Variants in NSD2 observed in about 807,000 individuals in gnomAD.
NSD2 encodes histone-lysine N-methyltransferase NSD2.
NSD2 carries 12 observed loss-of-function variants against 139.0 expected under a neutral mutation model. The observed-to-expected ratio is 0.09, with a 90% CI of 0.06 to 0.14. The LOEUF (loss-of-function observed/expected upper bound fraction) is 0.14, where lower values mean the gene tolerates loss of function less well. Among genes scored for constraint, NSD2 ranks in the 10% least tolerant of loss-of-function variants. NSD2 has a pLI of 1.00. For synonymous variants in NSD2, 669 were observed against 648.7 expected (o/e 1.03, Z -0.48); for missense variants, 1,155 against 1,745.0 (o/e 0.66, Z 6.02).
chr4:1,952,286 A>AC, intron 11 of NSD2, 55 bp downstream of exon 11: 1 of 1,603,554 alleles, frequency 6.2e-7, no homozygotes, highest in South Asian at 1.1e-5. Context: ...TGCTCCTGCA[A>AC]CCCCCTGCAC....
At chr4:1,916,503 AC>A (rs887087299) in intron 3 of NSD2, among the ~76,000 whole-genome samples, 52 of 151,630 alleles carry the variant, frequency 3.4e-4, no homozygotes, top group African/African-American at 1.3e-3. Flanking sequence ...ACACCACCAC[AC>A]CCGGCTAATT....
rs538768933 is a variant in NSD2, at chr4:1,886,531, A to G, written c.-29-14095A>G. Among the ~76,000 whole-genome samples, 13 of 152,154 alleles carry G rather than the reference A, an allele frequency of 8.5e-5. No individual in the cohort carries two copies. The East Asian group carries it at 2.5e-3, about 29-fold the overall frequency. On this transcript the variant is annotated intron_variant, in intron 1 of 21. Transcript: ENST00000508803. ...CTTTCAGCTGTTTCTATTTATCTGTACTTTAAAAAGTAACTTGCGGCTGGG... is the reference window on the plus strand; with the variant it reads ...CTTTCAGCTGTTTCTATTTATCTGTGCTTTAAAAAGTAACTTGCGGCTGGG...
At position 1,900,666 on chromosome 4, in the gene NSD2, C is replaced by T. The variant is rs933582839; in HGVS notation, c.12C>T (p.Ser4=). 1.9e-6 allele frequency: 3 copies of T among 1,581,048 alleles called. No homozygotes were observed. The highest frequency in any genetic ancestry group is 2.7e-5 in the African/African-American group (2 of 73,608). MEF[S]IKQSPLSVQS... is the part of the protein sequence containing the mutation. ...AGCATCTGGGCTGGATGGAATTTAGCATCAAGCAGAGTCCCCTTTCTGTTC... is the reference window on the plus strand; with the variant it reads ...AGCATCTGGGCTGGATGGAATTTAGTATCAAGCAGAGTCCCCTTTCTGTTC... Residue 4 remains serine (S), a synonymous_variant, in exon 2 of 22, where the codon AGC becomes AGT. Transcript: ENST00000508803.
intron 1 of NSD2, among the ~76,000 whole-genome samples, chr4:1,886,484 G>T (rs1026256096): frequency 6.6e-6 from 1 of 152,156 alleles, no homozygotes; most frequent in Admixed American, 6.5e-5. Context: ...TGGGATTACG[G>T]ACTTGAGCCA....
At position 1,981,975 on chromosome 4, in the gene NSD2, T is replaced by G. The variant is rs1727811830; in HGVS notation, c.*3066T>G. ...TAAATGTGCCTATTGGTGTCTAAAC[T>G]TCATACAATGTAAGGTCAGATTCCT... is the stretch of plus-strand genomic sequence containing the variant. On this transcript the variant is annotated 3_prime_UTR_variant, in exon 22 of 22. Transcript: ENST00000508803. The G allele has an allele frequency of 2.5e-6, 1 of 398,586 alleles. No homozygotes were observed. The allele number at this position is 398,586 out of a possible 1,614,324, so 24.7% of individuals were successfully genotyped here.
intron 1 of NSD2, among the ~76,000 whole-genome samples, chr4:1,876,997 C>T (rs1714310922): frequency 6.6e-6 from 1 of 151,716 alleles, no homozygotes; most frequent in Admixed American, 6.6e-5. Context: ...ATTAGCTGGG[C>T]GTGGTGGTGG....
At chr4:1,872,575 T>TGC (rs1302556088) in intron 1 of NSD2, among the ~76,000 whole-genome samples, 1 of 70,218 alleles carries the variant, frequency 1.4e-5, no homozygotes, top group African/African-American at 5.1e-5. Context: ...TGTGTGTGTG[T>TGC]GTGTGTGTGT....
intron 7 of NSD2, 79 bp from the exon 8 acceptor site, chr4:1,938,368 GTTCT>G: frequency 1.0e-6 from 1 of 1,004,890 alleles, no homozygotes; most frequent in Non-Finnish European, 1.3e-6. Context: ...TCCTTTTGTT[GTTCT>G]TTTTCTTTTT....
rs1011638343 is a variant in NSD2, at chr4:1,933,167, G to A, written c.1556-1977G>A. 6.8e-4 allele frequency among the ~76,000 whole-genome samples: 104 copies of A among 152,350 alleles called. 2 individuals carry two copies. Among genetic ancestry groups the A allele is most frequent in the Non-Finnish European group, 4.1e-4 (28 of 68,028 alleles). On this transcript the variant is annotated intron_variant, in intron 6 of 21. Coordinates refer to ENST00000508803, the MANE Select transcript of NSD2 (RefSeq NM_001042424.3). ...AACTGCAGCTGGTGAGGGCCCCCAC[G>A]CTTTGGCTGCTGACTCTTCTTGCGC...
intron 5 of NSD2, among the ~76,000 whole-genome samples, chr4:1,928,844 C>G (rs1721279799): frequency 6.6e-6 from 1 of 152,056 alleles, no homozygotes; most frequent in Admixed American, 6.6e-5. Context: ...GCAGAAACTT[C>G]CACTGGTTGA....
intron 1 of NSD2, among the ~76,000 whole-genome samples, chr4:1,897,815 T>G (rs984173916): frequency 3.9e-5 from 6 of 151,970 alleles, no homozygotes; most frequent in African/African-American, 9.7e-5. Context: ...TTAGTAGAGT[T>G]GTGGTTTCAC....
At chr4:1,873,304 T>C (rs1714005088) in intron 1 of NSD2, among the ~76,000 whole-genome samples, 1 of 152,218 alleles carries the variant, frequency 6.6e-6, no homozygotes, top group Non-Finnish European at 1.5e-5. Context: ...AGTAAAGATT[T>C]TATTTTAAGA....
intron 10 of NSD2, 134 bp downstream of exon 10, chr4:1,951,337 GT>G: frequency 7.8e-7 from 1 of 1,280,090 alleles, no homozygotes; most frequent in South Asian, 1.4e-5. Flanking sequence ...ACTCATCTCT[GT>G]TTTGAAGGGG....
chr4:1,872,631 A>AGAGAGAGAGAGAGAGAGAGC (rs984225040), intron 1 of NSD2, among the ~76,000 whole-genome samples: 2 of 133,310 alleles, frequency 1.5e-5, no homozygotes, highest in South Asian at 2.4e-4. Context: ...AGAGAGAGAG[A>AGAGAGAGAGAGAGAGAGAGC]GAGAGCGCGC....
At chr4:1,946,067 G>GT (rs565070861) in intron 9 of NSD2, 5 of 1,031,470 alleles carry the variant, frequency 4.8e-6, no homozygotes, top group Admixed American at 5.7e-5. Flanking sequence ...CATCACCTTA[G>GT]TTTTTTAAAA....
At position 1,981,886 on chromosome 4, in the gene NSD2, G is replaced by A. The variant is rs1727802349; in HGVS notation, c.*2977G>A. The A allele has an allele frequency of 1.0e-5, 4 of 398,644 alleles. No individual in the cohort carries two copies. The East Asian group carries it at 1.4e-4, about 14-fold the overall frequency. 24.7% of individuals were successfully genotyped at this position (398,644 alleles called of 1,614,324 possible). ...TAGAGTAAAATGCTGTGTCCACGGGGTGTCACAGCCTCACCATACCCTGTT... is the reference window on the plus strand; with the variant it reads ...TAGAGTAAAATGCTGTGTCCACGGGATGTCACAGCCTCACCATACCCTGTT... On this transcript the variant is annotated 3_prime_UTR_variant, in exon 22 of 22. Coordinates refer to ENST00000508803, the MANE Select transcript of NSD2 (RefSeq NM_001042424.3).
chr4:1,935,334 G>T (rs1017234558), intron 7 of NSD2, 72 bp downstream of exon 7: 52 of 1,176,728 alleles, frequency 4.4e-5, no homozygotes, highest in Admixed American at 2.6e-4. Context: ...CTGTTTCCCT[G>T]CATGGGAGCA....
intron 9 of NSD2, chr4:1,944,153 T>A (rs956646735): frequency 9.4e-7 from 1 of 1,066,120 alleles, no homozygotes; most frequent in African/African-American, 1.6e-5. Flanking sequence ...CTCAGCACTC[T>A]GCAGTGAGAG....
chr4:1,903,934 T>C (rs10021693), intron 2 of NSD2, among the ~76,000 whole-genome samples: 9,565 of 152,008 alleles, frequency 0.063, 1,038 homozygotes, highest in African/African-American at 0.22. Flanking sequence ...CAGGGTTTCA[T>C]TGTGTTAGCC....
Sources: allele counts gnomAD v4.1 joint callset (sites outside exome capture counted in the v4.1 genomes callset), GRCh38; gene constraint gnomAD v4.1.1; transcripts MANE v1.5; gene names NCBI Gene and HGNC (gene_info 2026-07-23, HGNC 2026-07-21).